The following USP13 variants were observed in gnomAD, a reference collection of about 807,000 sequenced individuals.
The protein encoded by USP13 is ubiquitin specific peptidase 13.
Under a neutral mutation model 107.8 loss-of-function variants are expected in USP13, and 68 were observed. The ratio of observed to expected loss-of-function variants is 0.63; its 90% CI spans 0.52 to 0.77. USP13 has a LOEUF of 0.77. Among genes scored for constraint, USP13 ranks in the 30% least tolerant of loss-of-function variants. The pLI, the probability that USP13 is intolerant of heterozygous loss-of-function variation, is 0.00. For missense variants in USP13, 945 were observed against 1,093.3 expected (o/e 0.86, Z 1.91); for synonymous variants, 377 against 389.5 (o/e 0.97, Z 0.38).
At chr3:179,764,210 T>C in intron 18 of USP13, 42 bp downstream of exon 18, 1 of 1,569,474 alleles carries the variant, frequency 6.4e-7, no homozygotes, top group Non-Finnish European at 8.6e-7. Flanking sequence ...TGTGTGTGTG[T>C]GTGTGAATTT....
intron 3 of USP13, among the ~76,000 whole-genome samples, chr3:179,695,243 A>G (rs567021691): frequency 5.9e-5 from 9 of 152,346 alleles, no homozygotes; most frequent in African/African-American, 2.2e-4. Flanking sequence ...CATGAAGCAG[A>G]TGTAGGTGGC....
chr3:179,689,721 C>T (rs1014139160), intron 2 of USP13, among the ~76,000 whole-genome samples: 3 of 151,960 alleles, frequency 2.0e-5, no homozygotes, highest in South Asian at 2.1e-4. Context: ...AGCCACTTGT[C>T]GGTGCTCCAA....
At chr3:179,760,970 AC>A in intron 16 of USP13, 141 bp from the exon 17 acceptor site, 1 of 1,089,788 alleles carries the variant, frequency 9.2e-7, no homozygotes, top group Non-Finnish European at 1.3e-6. Context: ...TTAAAACAAA[AC>A]TAAACAAAGT....
chr3:179,777,458 T>C (rs2108552777), intron 19 of USP13, among the ~76,000 whole-genome samples: 1 of 149,248 alleles, frequency 6.7e-6, no homozygotes, highest in South Asian at 2.2e-4. Context: ...TTTTTTTTTT[T>C]TTTTTCTTTT....
At chr3:179,768,454 G>C (rs1715248364) in intron 19 of USP13, among the ~76,000 whole-genome samples, 1 of 152,156 alleles carries the variant, frequency 6.6e-6, no homozygotes, top group South Asian at 2.1e-4. Context: ...ACCCTTTAAG[G>C]CACTATGGGT....
chr3:179,775,948 G>T (rs1428374367), intron 19 of USP13, among the ~76,000 whole-genome samples: 1 of 152,192 alleles, frequency 6.6e-6, no homozygotes, highest in Non-Finnish European at 1.5e-5. Flanking sequence ...TGCAGCGGTG[G>T]GCTGAAGGGC....
chr3:179,702,298 C>G (rs916260784), intron 4 of USP13, among the ~76,000 whole-genome samples: 1 of 152,310 alleles, frequency 6.6e-6, no homozygotes, highest in African/African-American at 2.4e-5. Context: ...GGATTATAGG[C>G]GTGAGCCACC....
chr3:179,734,816 G>A (rs1198600353), intron 10 of USP13, among the ~76,000 whole-genome samples: 2 of 152,212 alleles, frequency 1.3e-5, no homozygotes, highest in African/African-American at 2.4e-5. Context: ...GCAGACATGT[G>A]TCTATCTTCC....
chr3:179,761,176 T>C lies in USP13; in HGVS notation c.2013T>C (p.Cys671=), dbSNP rs1714997921. 1 of 1,614,056 alleles carries C rather than the reference T, an allele frequency of 6.2e-7. No individual in the cohort carries two copies. Among genetic ancestry groups the C allele is most frequent in the Non-Finnish European group, 8.5e-7 (1 of 1,180,030 alleles). The change falls in exon 17 of 21, where the codon TGT becomes TGC. Residue 671 remains cysteine (C), a synonymous_variant. Coordinates refer to ENST00000263966, the MANE Select transcript of USP13 (RefSeq NM_003940.3). ...AGATGGGTTTCCCGCTGGAAGCATGTCGCAAGGCTGTGTACTTCACTGGAA... is the reference window on the plus strand; with the variant it reads ...AGATGGGTTTCCCGCTGGAAGCATGCCGCAAGGCTGTGTACTTCACTGGAA... ...LAEMGFPLEA[C]RKAVYFTGNM...
chr3:179,756,445 C>CA (rs1553798053), intron 15 of USP13, among the ~76,000 whole-genome samples: 1 of 133,076 alleles, frequency 7.5e-6, no homozygotes, highest in Admixed American at 7.5e-5. Flanking sequence ...AACAAACAAA[C>CA]AAAAAATACA....
At position 179,736,126 on chromosome 3, in the gene USP13, A is replaced by AT. The variant is rs1363259432; in HGVS notation, c.1255-4115dup. 5.9e-5 allele frequency among the ~76,000 whole-genome samples: 9 copies of AT among 152,154 alleles called. No individual in the cohort carries two copies. The East Asian group carries it at 1.5e-3, about 26-fold the overall frequency. ...TCACGAATACCTAGTCCATCTTCTGATTTTTTCCTGCATTATCCAAGATAT... is the reference window on the plus strand; with the variant it reads ...TCACGAATACCTAGTCCATCTTCTGATTTTTTTCCTGCATTATCCAAGATAT... On this transcript the variant is annotated intron_variant, in intron 10 of 20. Transcript: ENST00000263966.
At chr3:179,766,181 T>C (rs1396206784) in intron 19 of USP13, among the ~76,000 whole-genome samples, 1 of 152,106 alleles carries the variant, frequency 6.6e-6, no homozygotes, top group Non-Finnish European at 1.5e-5. Context: ...GGATTCACCA[T>C]GTTGGCCTGG....
chr3:179,704,446 G>A (rs936151571), intron 4 of USP13, among the ~76,000 whole-genome samples: 4 of 152,164 alleles, frequency 2.6e-5, no homozygotes, highest in Non-Finnish European at 5.9e-5. Context: ...CCTTACTGTG[G>A]TCTTTCCTTC....
At position 179,787,102 on chromosome 3, in the gene USP13, A is replaced by C. The variant is rs989789288; in HGVS notation, c.*2961A>C. On this transcript the variant is annotated 3_prime_UTR_variant, in exon 21 of 21. Coordinates refer to ENST00000263966, the MANE Select transcript of USP13 (RefSeq NM_003940.3). ...TGACACTTTACATCAACGTTGCTTC[A>C]ATATTTTGGAATTGACCAGGCTGCT... The C allele has an allele frequency of 2.6e-5, 4 of 152,184 alleles. No homozygotes were observed. The highest frequency in any genetic ancestry group is 4.4e-5 in the Non-Finnish European group (3 of 68,032). The allele number at this position is 152,184 out of a possible 1,614,324, so 9.4% of individuals were successfully genotyped here.
At chr3:179,675,925 T>C (rs1185018717) in intron 1 of USP13, among the ~76,000 whole-genome samples, 1 of 152,210 alleles carries the variant, frequency 6.6e-6, no homozygotes, top group Non-Finnish European at 1.5e-5. Context: ...CTGCCTGATA[T>C]GGTTTGGCTG....
rs1214261772 is a variant in USP13 at position 179,678,065 on chromosome 3, C to T, written c.169-3813C>T. Among the ~76,000 whole-genome samples the T allele has an allele frequency of 1.3e-5, 2 of 152,164 alleles. No individual in the cohort carries two copies. Among genetic ancestry groups the T allele is most frequent in the Non-Finnish European group, 2.9e-5 (2 of 68,028 alleles). ...ATGTTTATAGAGGAGAACACTGGAGCTCAGAGCCCTATATGGCAGCCTGCC... is the reference window on the plus strand; with the variant it reads ...ATGTTTATAGAGGAGAACACTGGAGTTCAGAGCCCTATATGGCAGCCTGCC... On this transcript the variant is annotated intron_variant, in intron 1 of 20. Transcript: ENST00000263966. The surrounding 1 kb of genome is among the most constrained non-coding windows in gnomAD (Gnocchi z 4.2).
intron 12 of USP13, among the ~76,000 whole-genome samples, chr3:179,744,143 C>T (rs769106594): frequency 9.2e-5 from 14 of 152,058 alleles, no homozygotes; most frequent in Non-Finnish European, 1.6e-4. Context: ...GTAACCTCCA[C>T]AGGAAGTTGT....
chr3:179,670,857 C>G (rs745554025), intron 1 of USP13, among the ~76,000 whole-genome samples: 1 of 151,986 alleles, frequency 6.6e-6, no homozygotes, highest in Non-Finnish European at 1.5e-5. Context: ...GCCACCATGC[C>G]TGGCTAATTT....
intron 1 of USP13, 80 bp from the exon 2 acceptor site, chr3:179,681,798 C>T (rs759269138): frequency 6.0e-6 from 9 of 1,490,386 alleles, no homozygotes; most frequent in South Asian, 2.8e-5. Context: ...CAGCGTTTGC[C>T]TTCCTTCCCT....
Sources: gnomAD v4.1 joint callset for allele counts (sites outside exome capture counted in the v4.1 genomes callset) on GRCh38, gnomAD v4.1.1 for gene constraint, Gnocchi (gnomAD v3.1) non-coding constraint, MANE v1.5 for transcripts, NCBI Gene and HGNC (gene_info 2026-07-23, HGNC 2026-07-21) for gene names.